SNX24: variants seen among roughly 807,000 people sequenced by gnomAD.
SNX24 encodes sorting nexin 24.
A neutral mutation model predicts 28.7 loss-of-function variants in SNX24; 22 were observed. That is an observed-to-expected ratio of 0.77 (90% CI 0.55 to 1.10). SNX24 has a LOEUF of 1.10. Ranked by LOEUF, SNX24 falls within the 50% of genes least tolerant of loss-of-function variation. The pLI is 0.00. For missense variants in SNX24, 221 were observed against 201.1 expected (o/e 1.10, Z -0.60); for synonymous variants, 69 against 71.5 (o/e 0.96, Z 0.18).
At position 122,961,929 on chromosome 5, in the gene SNX24, GA is replaced by G. The variant is rs1254986936; in HGVS notation, c.249+15777del. 5.3e-5 allele frequency among the ~76,000 whole-genome samples: 8 copies of G among 152,178 alleles called. No homozygotes were observed. In the East Asian group the frequency reaches 1.5e-3, roughly 29 times the overall value. ...GAAAGTATTCACAAAATATGAAAAT[GA>G]AAAAAACTTTAGAAGCTTTTGTTTT... is the stretch of plus-strand genomic sequence containing the variant. On this transcript the variant is annotated intron_variant, in intron 3 of 6. Coordinates refer to ENST00000261369, the MANE Select transcript of SNX24 (RefSeq NM_014035.4).
chr5:122,937,579 C>G (rs1260099648), intron 2 of SNX24, among the ~76,000 whole-genome samples: 1 of 152,086 alleles, frequency 6.6e-6, no homozygotes, highest in Non-Finnish European at 1.5e-5. Context: ...CAGAAAAATC[C>G]CGTTAACAGG....
chr5:122,870,551 G>C (rs1755924786), intron 1 of SNX24, among the ~76,000 whole-genome samples: 1 of 152,196 alleles, frequency 6.6e-6, no homozygotes, highest in South Asian at 2.1e-4. Context: ...CAAAAGTAGT[G>C]ACAGTTAAAA....
intron 5 of SNX24, chr5:123,025,907 A>G (rs1202752704): frequency 1.2e-6 from 2 of 1,613,502 alleles, no homozygotes; most frequent in Non-Finnish European, 1.7e-6. Flanking sequence ...TGACCCACCC[A>G]ATGCCATAGT....
chr5:123,017,231 G>C (rs1762695054), intron 5 of SNX24, among the ~76,000 whole-genome samples: 1 of 152,014 alleles, frequency 6.6e-6, no homozygotes, highest in Non-Finnish European at 1.5e-5. Context: ...TTAATGGTTT[G>C]CAGAGTGGAT....
chr5:123,023,001 A>G (rs1308502246), intron 5 of SNX24, among the ~76,000 whole-genome samples: 3 of 152,138 alleles, frequency 2.0e-5, no homozygotes, highest in Non-Finnish European at 2.9e-5. Context: ...GGGTCTCACT[A>G]TGTTGCCCAG....
intron 6 of SNX24, among the ~76,000 whole-genome samples, chr5:123,004,983 G>C (rs1334944945): frequency 6.6e-6 from 1 of 152,140 alleles, no homozygotes; most frequent in South Asian, 2.1e-4. Flanking sequence ...CAAAGTCAAG[G>C]ACAGTTTACT....
chr5:122,970,463 T>A (rs1407665959), intron 3 of SNX24, among the ~76,000 whole-genome samples: 1 of 152,116 alleles, frequency 6.6e-6, no homozygotes, highest in African/African-American at 2.4e-5. Flanking sequence ...AATTCCAGCC[T>A]TATTCTGCAC....
At chr5:122,967,691 G>T (rs988447987) in intron 3 of SNX24, among the ~76,000 whole-genome samples, 1 of 152,206 alleles carries the variant, frequency 6.6e-6, no homozygotes, top group African/African-American at 2.4e-5. Context: ...ACAACCAGGG[G>T]CCTGACTTGT....
intron 1 of SNX24, among the ~76,000 whole-genome samples, chr5:122,859,000 G>A (rs1269205968): frequency 2.6e-5 from 4 of 152,010 alleles, no homozygotes; most frequent in African/African-American, 7.2e-5. Context: ...CACCTGCCTC[G>A]GCCTCCCAAA....
rs1179200551 is a variant in SNX24, at chr5:122,946,065, G to C, written c.155G>C (p.Cys52Ser). ...ATTCTGTCTTTATAGCTTAAGAAAT[G>C]TATAAAAACTCCAGAAATCCCTTCT... The part of the protein sequence containing the change: ...FHALHKKLKK[C>S]IKTPEIPSKH... The change falls in exon 3 of 7, where the codon TGT (cysteine) becomes TCT (serine). Residue 52 changes from cysteine (C) to serine (S), a missense_variant. Coordinates refer to ENST00000261369, the MANE Select transcript of SNX24 (RefSeq NM_014035.4). The C allele has an allele frequency of 6.4e-7, 1 of 1,553,308 alleles. No individual in the cohort carries two copies. The highest frequency in any genetic ancestry group is 1.8e-5 in the Admixed American group (1 of 57,142).
rs1193521933 is a variant in SNX24 at position 122,945,206 on chromosome 5, TCTTTCCAACTC to T, written c.145-848_145-838del. Among the ~76,000 whole-genome samples, 6 of 152,306 alleles carry T rather than the reference TCTTTCCAACTC, an allele frequency of 3.9e-5. No homozygotes were observed. The East Asian group carries it at 1.2e-3, about 29-fold the overall frequency. ...GTCAGAGACATTGTTTCTCCTAGTCTCTTTCCAACTCATTCTGCTGCCTCCCTTTTATAAGG... is the reference window on the plus strand; with the variant it reads ...GTCAGAGACATTGTTTCTCCTAGTCTATTCTGCTGCCTCCCTTTTATAAGG... On this transcript the variant is annotated intron_variant, in intron 2 of 6. Coordinates refer to ENST00000261369, the MANE Select transcript of SNX24 (RefSeq NM_014035.4).
chr5:122,955,565 G>T (rs73287233), intron 3 of SNX24, among the ~76,000 whole-genome samples: 7,372 of 152,254 alleles, frequency 0.048, 600 homozygotes, highest in African/African-American at 0.17. Context: ...GGATGTGGAA[G>T]ACATTACCTT....
intron 3 of SNX24, among the ~76,000 whole-genome samples, chr5:122,987,789 A>G (rs1761666913): frequency 6.6e-6 from 1 of 152,152 alleles, no homozygotes; most frequent in Non-Finnish European, 1.5e-5. Flanking sequence ...GAAGGCCTTT[A>G]TTGGAACTTA....
intron 1 of SNX24, among the ~76,000 whole-genome samples, chr5:122,908,530 A>C (rs187458902): frequency 2.6e-5 from 4 of 152,358 alleles, no homozygotes; most frequent in African/African-American, 9.6e-5. Flanking sequence ...TATTCTTGTA[A>C]ACTGTAGCAT....
intron 3 of SNX24, among the ~76,000 whole-genome samples, chr5:122,968,214 A>G (rs560865639): frequency 2.3e-4 from 35 of 152,232 alleles, no homozygotes; most frequent in African/African-American, 7.7e-4. Context: ...GCGTGGTGGC[A>G]TGCACGCCTA....
chr5:122,852,492 T>A (rs371716884), intron 1 of SNX24, among the ~76,000 whole-genome samples: 3 of 152,124 alleles, frequency 2.0e-5, no homozygotes, highest in Non-Finnish European at 4.4e-5. Context: ...TACAGGTGCA[T>A]GCCATCATGT....
intron 1 of SNX24, among the ~76,000 whole-genome samples, chr5:122,866,063 A>G: frequency 6.6e-6 from 1 of 152,356 alleles, no homozygotes; most frequent in East Asian, 1.9e-4. Context: ...ATACATACAT[A>G]TTTTTGTAAC....
At chr5:122,930,898 C>A (rs1254093154) in intron 1 of SNX24, among the ~76,000 whole-genome samples, 2 of 152,258 alleles carry the variant, frequency 1.3e-5, no homozygotes, top group East Asian at 1.9e-4. Flanking sequence ...GAAACTGCAA[C>A]TTGAAGTGAA....
At chr5:122,923,478 A>T (rs960800108) in intron 1 of SNX24, among the ~76,000 whole-genome samples, 1 of 152,206 alleles carries the variant, frequency 6.6e-6, no homozygotes, top group Non-Finnish European at 1.5e-5. Flanking sequence ...ATGCTCTCTG[A>T]CATCTGTTCA....
Sources: gnomAD v4.1 joint callset for allele counts (sites outside exome capture counted in the v4.1 genomes callset) on GRCh38, gnomAD v4.1.1 for gene constraint, MANE v1.5 for transcripts, NCBI Gene and HGNC (gene_info 2026-07-23, HGNC 2026-07-21) for gene names.